Variants in NTMT2 observed in about 807,000 individuals in gnomAD.
NTMT2 encodes the protein N-terminal Xaa-Pro-Lys N-methyltransferase 2, also known as X-Pro-Lys N-terminal protein methyltransferase 1B.
Under a neutral mutation model 23.4 loss-of-function variants are expected in NTMT2, and 21 were observed. The ratio of observed to expected loss-of-function variants is 0.90; its 90% CI spans 0.64 to 1.29. NTMT2 has a LOEUF of 1.29. Ranked by LOEUF, NTMT2 falls within the 50% of genes most tolerant of loss-of-function variation. The probability of loss-of-function intolerance (pLI) is 0.00; values close to 1 mark genes in which losing one functional copy is unlikely to be tolerated. For synonymous variants in NTMT2, 131 were observed against 127.7 expected (o/e 1.03, Z -0.17); for missense variants, 336 against 352.0 (o/e 0.95, Z 0.36).
chr1:170,158,162 C>G (rs1309812690), intron 1 of NTMT2: 1 of 151,914 alleles, frequency 6.6e-6, no homozygotes, highest in African/African-American at 2.4e-5. Context: ...GTTTAGTTTC[C>G]AAAAATTTGA....
At chr1:170,148,128 C>G (rs1449471982) in intron 1 of NTMT2, among the ~76,000 whole-genome samples, 2 of 146,926 alleles carry the variant, frequency 1.4e-5, no homozygotes, top group East Asian at 4.0e-4. Flanking sequence ...TTACCACTGT[C>G]TCCTGAGGCA....
At chr1:170,167,386 A>C in intron 3 of NTMT2, 100 bp from the exon 4 acceptor site, 1 of 1,106,704 alleles carries the variant, frequency 9.0e-7, no homozygotes, top group South Asian at 1.6e-5. Flanking sequence ...GAATGAGTGA[A>C]CAAATGGTCT....
At chr1:170,166,471 G>T (rs1441611686) in intron 2 of NTMT2, 31 bp from the exon 3 acceptor site, 1 of 1,551,624 alleles carries the variant, frequency 6.4e-7, no homozygotes, top group African/African-American at 1.4e-5. Context: ...ATGGGTCTCT[G>T]TACTTGAAAT....
Position 170,146,055 on chromosome 1 carries a change from A to T in NTMT2, c.-53A>T. 1 of 1,485,394 alleles carries T rather than the reference A, an allele frequency of 6.7e-7. No homozygotes were observed. The highest frequency in any genetic ancestry group is 1.4e-5 in the African/African-American group (1 of 70,532). The allele number at this position is 1,485,394 out of a possible 1,614,324, so 92.0% of individuals were successfully genotyped here. On this transcript the variant is annotated 5_prime_UTR_variant, in exon 1 of 4. Transcript: ENST00000439373. Reference sequence around the variant, plus strand: ...AGAAAGAGAAGGCTAATTCAAAGAAACAGCAAGGCAAGCTTCCTTTCTCTG... The same window carrying T: ...AGAAAGAGAAGGCTAATTCAAAGAATCAGCAAGGCAAGCTTCCTTTCTCTG...
chr1:170,148,992 T>C (rs4332407), intron 1 of NTMT2, among the ~76,000 whole-genome samples: 45,137 of 152,168 alleles, frequency 0.3, 7,475 homozygotes, highest in African/African-American at 0.44. Context: ...AGAAAATGTT[T>C]CTGCTACAGG....
intron 1 of NTMT2, among the ~76,000 whole-genome samples, chr1:170,147,232 A>G (rs1672980724): frequency 6.6e-6 from 1 of 152,236 alleles, no homozygotes; most frequent in Non-Finnish European, 1.5e-5. Flanking sequence ...CTAAACATAC[A>G]AATACCTTCA....
At chr1:170,161,000 T>C (rs777850721) in intron 2 of NTMT2, among the ~76,000 whole-genome samples, 3 of 152,224 alleles carry the variant, frequency 2.0e-5, no homozygotes, top group African/African-American at 4.8e-5. Context: ...ACATCTCTTT[T>C]AGAGTCTCAT....
intron 2 of NTMT2, among the ~76,000 whole-genome samples, chr1:170,161,208 A>C (rs1337218341): frequency 6.6e-6 from 1 of 151,908 alleles, no homozygotes; most frequent in Non-Finnish European, 1.5e-5. Context: ...CTGAGGCAGG[A>C]GAATGGCGTG....
intron 2 of NTMT2, among the ~76,000 whole-genome samples, chr1:170,165,066 AT>A (rs59316234): frequency 3.3e-5 from 5 of 149,746 alleles, no homozygotes; most frequent in Admixed American, 6.7e-5. Context: ...TCCTTAGCCA[AT>A]TTTTTTTTTA....
chr1:170,146,232 A>G lies in NTMT2; in HGVS notation c.125A>G (p.Tyr42Cys), dbSNP rs1672962332. ...KAIRNDFFQSYLYLLEKIPLV... is the reference protein window; with the variant it reads ...KAIRNDFFQSCLYLLEKIPLV... Reference sequence around the variant, plus strand: ...ATTCGCAATGACTTCTTTCAGAGCTATCTCTACCTGCTGGAAAAAATTCCC... The same window carrying G: ...ATTCGCAATGACTTCTTTCAGAGCTGTCTCTACCTGCTGGAAAAAATTCCC... The change falls in exon 1 of 4, where the codon TAT (tyrosine) becomes TGT (cysteine). Residue 42 changes from tyrosine to cysteine, a missense_variant. Transcript: ENST00000439373. 1.9e-6 allele frequency: 3 copies of G among 1,550,670 alleles called. No homozygotes were observed. The highest frequency in any genetic ancestry group is 2.7e-5 in the African/African-American group (2 of 72,782).
At chr1:170,149,326 A>G (rs759580146) in intron 1 of NTMT2, among the ~76,000 whole-genome samples, 2 of 152,252 alleles carry the variant, frequency 1.3e-5, no homozygotes, top group Non-Finnish European at 2.9e-5. Context: ...AGGAATCTGC[A>G]TGTAAGTCTT....
intron 2 of NTMT2, 23 bp from the exon 3 acceptor site, chr1:170,166,479 A>G: frequency 6.4e-7 from 1 of 1,551,980 alleles, no homozygotes; most frequent in Non-Finnish European, 8.7e-7. Flanking sequence ...CTGTACTTGA[A>G]ATATCAAGGT....
intron 1 of NTMT2, among the ~76,000 whole-genome samples, chr1:170,159,048 T>C (rs1476649814): frequency 1.3e-5 from 2 of 152,144 alleles, no homozygotes; most frequent in Non-Finnish European, 2.9e-5. Context: ...AGATCATTTA[T>C]CCACATTTAG....
intron 1 of NTMT2, among the ~76,000 whole-genome samples, chr1:170,154,564 C>T (rs1004036202): frequency 6.6e-5 from 10 of 152,166 alleles, no homozygotes; most frequent in African/African-American, 2.2e-4. Context: ...TTGTGAGGGA[C>T]CTTTAACCCC....
chr1:170,157,598 G>T (rs1324547744), intron 1 of NTMT2, among the ~76,000 whole-genome samples: 1 of 152,018 alleles, frequency 6.6e-6, no homozygotes, highest in South Asian at 2.1e-4. Context: ...ATCAAAATTT[G>T]GAATTATGTA....
chr1:170,166,818 C>G (rs1358754937), intron 3 of NTMT2, 67 bp downstream of exon 3: 45 of 1,510,162 alleles, frequency 3.0e-5, no homozygotes, highest in Non-Finnish European at 3.8e-5. Flanking sequence ...GTCCTTGGGG[C>G]TAATGAGGGC....
At position 170,166,790 on chromosome 1, in the gene NTMT2, T is replaced by A. The variant is rs1286954021; in HGVS notation, c.580+39T>A. 4.5e-6 allele frequency: 7 copies of A among 1,546,648 alleles called. No individual in the cohort carries two copies. The East Asian group carries it at 1.5e-4, about 32-fold the overall frequency. On this transcript the variant is annotated intron_variant, in intron 3 of 3. Coordinates refer to ENST00000439373, the MANE Select transcript of NTMT2 (RefSeq NM_001136107.2). ...GACTTTCCCTCTGCTTTTCTCCCCTTCTCAGCCAGAGAAGACAGTCCTTGG... is the reference window on the plus strand; with the variant it reads ...GACTTTCCCTCTGCTTTTCTCCCCTACTCAGCCAGAGAAGACAGTCCTTGG...
At chr1:170,163,498 A>G (rs987826797) in intron 2 of NTMT2, among the ~76,000 whole-genome samples, 1 of 152,256 alleles carries the variant, frequency 6.6e-6, no homozygotes, top group African/African-American at 2.4e-5. Context: ...GATGATGTCA[A>G]TGCCATAGTT....
intron 1 of NTMT2, among the ~76,000 whole-genome samples, chr1:170,147,716 A>G (rs1672993471): frequency 4.6e-5 from 7 of 152,234 alleles, no homozygotes; most frequent in Admixed American, 4.6e-4. Flanking sequence ...AGCTGAGAAG[A>G]GAGTCACTAA....
Sources: gnomAD v4.1 joint callset for allele counts (sites outside exome capture counted in the v4.1 genomes callset) on GRCh38, gnomAD v4.1.1 for gene constraint, MANE v1.5 for transcripts, NCBI Gene and HGNC (gene_info 2026-07-23, HGNC 2026-07-21) for gene names.